Variants in DMRT3 observed in about 807,000 individuals in gnomAD.
The protein encoded by DMRT3 is doublesex- and mab-3-related transcription factor 3.
Under a neutral mutation model 34.9 loss-of-function variants are expected in DMRT3, and 29 were observed. That is an observed-to-expected ratio of 0.83 (90% CI 0.62 to 1.13). The LOEUF is 1.13. Among genes scored for constraint, DMRT3 ranks in the 50% most tolerant of loss-of-function variants. The pLI, the probability that DMRT3 is intolerant of heterozygous loss-of-function variation, is 0.00. For missense variants in DMRT3, 772 were observed against 629.1 expected (o/e 1.23, Z -2.43); for synonymous variants, 350 against 286.0 (o/e 1.22, Z -2.26).
rs200227684 is a variant in DMRT3 at position 977,308 on chromosome 9, G to A, written c.307G>A (p.Ala103Thr). ...GCCAGGGCCCCCGCCGCCGGGGGAC[G>A]CCGTCGCCGCCCCGCAGCCGCCGCC... ...ALPGPPPPGD[A>T]VAAPQPPPAS... The change falls in exon 1 of 2, where the codon GCC (alanine) becomes ACC (threonine). Residue 103 changes from alanine to threonine, a missense_variant. By Grantham distance (58) the Ala-to-Thr change is moderately conservative. Coordinates refer to ENST00000190165, the MANE Select transcript of DMRT3 (RefSeq NM_021240.4). 2.9e-4 allele frequency: 391 copies of A among 1,336,506 alleles called. 7 individuals carry two copies. In the East Asian group the frequency reaches 0.012, roughly 40 times the overall value. 82.8% of individuals were successfully genotyped at this position (1,336,506 alleles called of 1,614,324 possible). A position where few individuals can be genotyped will look rare whatever the true frequency, so the allele number is the denominator to read the frequency against.
chr9:989,911 T>A, intron 1 of DMRT3, 130 bp from the exon 2 acceptor site: 2 of 1,214,226 alleles, frequency 1.6e-6, no homozygotes, highest in Non-Finnish European at 2.3e-6. Flanking sequence ...TTAAAAAGGC[T>A]TGTAGTATAT....
chr9:990,185 T>A lies in DMRT3; in HGVS notation c.599T>A (p.Val200Glu), dbSNP rs1820336133. 6.2e-7 allele frequency: 1 copy of A among 1,613,476 alleles called. No individual in the cohort carries two copies. Among genetic ancestry groups the A allele is most frequent in the Non-Finnish European group, 8.5e-7 (1 of 1,179,884 alleles). The change falls in exon 2 of 2, where the codon GTG (valine) becomes GAG (glutamate). Residue 200 changes from valine (V) to glutamate (E), a missense_variant. Val to Glu is a moderately radical substitution (Grantham distance 121, BLOSUM62 -2). Coordinates refer to ENST00000190165, the MANE Select transcript of DMRT3 (RefSeq NM_021240.4). ...CCTGAGAGCCCTGAGATAGTGTCCG[T>A]GGAGGAAGGGGGATACGCTGTCCAG... Reference protein sequence around the residue: ...FTPESPEIVSVEEGGYAVQKN... With the variant: ...FTPESPEIVSEEEGGYAVQKN...
In DMRT3 at chr9:991,135, A is replaced by C; in HGVS notation, c.*130A>C. Reference sequence around the variant, plus strand: ...ACAAAGTGACTGTGCTTGATTCTATACATTAGCAATAAAAACATAACTTAT... The same window carrying C: ...ACAAAGTGACTGTGCTTGATTCTATCCATTAGCAATAAAAACATAACTTAT... On this transcript the variant is annotated 3_prime_UTR_variant, in exon 2 of 2. Transcript: ENST00000190165. The C allele has an allele frequency of 8.1e-7, 1 of 1,228,664 alleles. No homozygotes were observed. Among genetic ancestry groups the C allele is most frequent in the Non-Finnish European group, 1.1e-6 (1 of 888,632 alleles). 76.1% of individuals were successfully genotyped at this position (1,228,664 alleles called of 1,614,324 possible).
rs141838962 is a variant in DMRT3, at chr9:990,098, G to A, written c.512G>A (p.Ser171Asn). ...GKSADNTEVF[S>N]DKDTDQRSSP... ...TCGGCAGACAATACAGAGGTCTTCA[G>A]TGACAAAGACACTGACCAGAGGAGT... The change falls in exon 2 of 2, where the codon AGT becomes AAT. Residue 171 changes from serine to asparagine, a missense_variant. By Grantham distance (46) the Ser-to-Asn change is conservative (BLOSUM62 1). Transcript: ENST00000190165. The A allele has an allele frequency of 1.7e-5, 27 of 1,614,074 alleles. No homozygotes were observed. The African/African-American group carries it at 3.3e-4, about 20-fold the overall frequency.
At position 990,199 on chromosome 9, in the gene DMRT3, T is replaced by C; in HGVS notation, c.613T>C (p.Tyr205His). Residue 205 changes from tyrosine (Y) to histidine (H), a missense_variant, in exon 2 of 2, where the codon TAC becomes CAC. Coordinates refer to ENST00000190165, the MANE Select transcript of DMRT3 (RefSeq NM_021240.4). ...PEIVSVEEGG[Y>H]AVQKNGGNPE... The stretch of plus-strand genomic sequence containing the variant: ...GATAGTGTCCGTGGAGGAAGGGGGA[T>C]ACGCTGTCCAGAAAAACGGAGGCAA... The C allele has an allele frequency of 1.2e-6, 2 of 1,613,896 alleles. No homozygotes were observed. The highest frequency in any genetic ancestry group is 1.7e-6 in the Non-Finnish European group (2 of 1,179,978).
At position 991,124 on chromosome 9, in the gene DMRT3, C is replaced by A; in HGVS notation, c.*119C>A. 1 of 1,334,304 alleles carries A rather than the reference C, an allele frequency of 7.5e-7. No individual in the cohort carries two copies. Among genetic ancestry groups the A allele is most frequent in the Non-Finnish European group, 1.0e-6 (1 of 980,754 alleles). 82.7% of individuals were successfully genotyped at this position (1,334,304 alleles called of 1,614,324 possible). A position where few individuals can be genotyped will look rare whatever the true frequency, so the allele number is the denominator to read the frequency against. ...CCTTCTGTTTGACAAAGTGACTGTG[C>A]TTGATTCTATACATTAGCAATAAAA... On this transcript the variant is annotated 3_prime_UTR_variant, in exon 2 of 2. Transcript: ENST00000190165.
Position 990,100 on chromosome 9 carries a change from G to T in DMRT3, c.514G>T (p.Asp172Tyr). 2 of 1,614,044 alleles carry T rather than the reference G, an allele frequency of 1.2e-6. No individual in the cohort carries two copies. The highest frequency in any genetic ancestry group is 1.7e-6 in the Non-Finnish European group (2 of 1,180,038). The change falls in exon 2 of 2, where the codon GAC becomes TAC. Residue 172 changes from aspartate (D) to tyrosine (Y), a missense_variant. Asp to Tyr is a radical substitution (Grantham distance 160). Coordinates refer to ENST00000190165, the MANE Select transcript of DMRT3 (RefSeq NM_021240.4). The stretch of plus-strand genomic sequence containing the variant: ...GGCAGACAATACAGAGGTCTTCAGT[G>T]ACAAAGACACTGACCAGAGGAGTTC... ...KSADNTEVFSDKDTDQRSSPD... is the reference protein window; with the variant it reads ...KSADNTEVFSYKDTDQRSSPD...
chr9:981,971 C>T (rs919543792), intron 1 of DMRT3, among the ~76,000 whole-genome samples: 1 of 152,240 alleles, frequency 6.6e-6, no homozygotes, highest in Non-Finnish European at 1.5e-5. Context: ...TCACTACCCT[C>T]TCCTTCCCAA....
At position 990,727 on chromosome 9, in the gene DMRT3, T is replaced by C; in HGVS notation, c.1141T>C (p.Ser381Pro). The C allele has an allele frequency of 8.1e-6, 13 of 1,614,140 alleles. No homozygotes were observed. The highest frequency in any genetic ancestry group is 1.0e-5 in the Non-Finnish European group (12 of 1,180,036). ...MLRNTLARSQ[S>P]SPFLPNDVTL... ...GAGGAATACTTTGGCGAGAAGCCAG[T>C]CGAGCCCCTTTTTGCCCAATGATGT... The change falls in exon 2 of 2, where the codon TCG (serine) becomes CCG (proline). Residue 381 changes from serine to proline, a missense_variant. Ser to Pro is a moderately conservative substitution (Grantham distance 74). Transcript: ENST00000190165.
In DMRT3 at chr9:990,024, G is replaced by C. The variant is rs1820332815; in HGVS notation, c.455-17G>C. Reference sequence around the variant, plus strand: ...TGCACACCAGGAAAAGATTAACTCAGCTGTTCTGTTTTCCAGATTTGACTG... The same window carrying C: ...TGCACACCAGGAAAAGATTAACTCACCTGTTCTGTTTTCCAGATTTGACTG... On this transcript the variant is annotated splice_polypyrimidine_tract_variant and intron_variant, in intron 1 of 1. Transcript: ENST00000190165. 1.9e-6 allele frequency: 3 copies of C among 1,612,918 alleles called. No homozygotes were observed. Among genetic ancestry groups the C allele is most frequent in the African/African-American group, 2.7e-5 (2 of 75,016 alleles).
At chr9:980,461 G>C (rs925923273) in intron 1 of DMRT3, among the ~76,000 whole-genome samples, 6 of 117,946 alleles carry the variant, frequency 5.1e-5, no homozygotes, top group African/African-American at 1.8e-4. Context: ...ATCTACGATG[G>C]ACCTGGAATT....
Position 990,971 on chromosome 9 carries a change from C to A in DMRT3, c.1385C>A (p.Ser462Tyr), listed in dbSNP as rs1278408021. ...TEDDYDERSDSSDSRTLNTSS is the reference protein window; with the variant it reads ...TEDDYDERSDYSDSRTLNTSS ...GACGACTATGACGAGAGGTCTGACT[C>A]CTCAGACTCTAGAACACTCAACACA... is the stretch of plus-strand genomic sequence containing the variant. The change falls in exon 2 of 2, where the codon TCC becomes TAC. Residue 462 changes from serine (S) to tyrosine (Y), a missense_variant. Transcript: ENST00000190165. 1 of 1,613,856 alleles carries A rather than the reference C, an allele frequency of 6.2e-7. No individual in the cohort carries two copies. The highest frequency in any genetic ancestry group is 8.5e-7 in the Non-Finnish European group (1 of 1,179,908).
intron 1 of DMRT3, among the ~76,000 whole-genome samples, chr9:985,042 A>G (rs890027362): frequency 2.6e-5 from 4 of 152,200 alleles, no homozygotes; most frequent in African/African-American, 9.7e-5. Flanking sequence ...TATCTGTAGA[A>G]AAACTTTTCT....
rs147927059 is a variant in DMRT3 at position 987,156 on chromosome 9, C to A, written c.455-2885C>A. ...CCATCACCACCATCCATCTTCAGAA[C>A]CTTTTCATCATTCCAGACGGAAACT... On this transcript the variant is annotated intron_variant, in intron 1 of 1. Coordinates refer to ENST00000190165, the MANE Select transcript of DMRT3 (RefSeq NM_021240.4). Among the ~76,000 whole-genome samples the A allele has an allele frequency of 1.9e-4, 29 of 152,252 alleles. No homozygotes were observed. In the East Asian group the frequency reaches 5.0e-3, roughly 26 times the overall value.
rs1369628704 is a variant in DMRT3 at position 977,068 on chromosome 9, C to T, written c.67C>T (p.Leu23=). 6 of 1,587,040 alleles carry T rather than the reference C, an allele frequency of 3.8e-6. No homozygotes were observed. Among genetic ancestry groups the T allele is most frequent in the Non-Finnish European group, 5.1e-6 (6 of 1,167,968 alleles). Residue 23 remains leucine, a synonymous_variant, in exon 1 of 2, where the codon CTG becomes TTG. Coordinates refer to ENST00000190165, the MANE Select transcript of DMRT3 (RefSeq NM_021240.4). ...GGTGTCGCAGCCGCCACGGGCGCCC[C>T]TGCAGCGCACGCCCAAGTGCGCGCG... ...GPVSQPPRAP[L]QRTPKCARCR...
rs766278011 is a variant in DMRT3, at chr9:990,201, C to T, written c.615C>T (p.Tyr205=). ...TAGTGTCCGTGGAGGAAGGGGGATA[C>T]GCTGTCCAGAAAAACGGAGGCAACC... ...PEIVSVEEGG[Y]AVQKNGGNPE... is the part of the protein sequence containing the mutation. The change falls in exon 2 of 2, where the codon TAC becomes TAT. Residue 205 remains tyrosine (Y), a synonymous_variant. Coordinates refer to ENST00000190165, the MANE Select transcript of DMRT3 (RefSeq NM_021240.4). The T allele has an allele frequency of 3.1e-5, 50 of 1,613,900 alleles. No individual in the cohort carries two copies. Among genetic ancestry groups the T allele is most frequent in the South Asian group, 2.4e-4 (22 of 91,068 alleles).
rs1469369570 is a variant in DMRT3 at position 976,771 on chromosome 9, G to T, written c.-231G>T. On this transcript the variant is annotated 5_prime_UTR_variant, in exon 1 of 2. Coordinates refer to ENST00000190165, the MANE Select transcript of DMRT3 (RefSeq NM_021240.4). The surrounding 1 kb of genome is among the most constrained non-coding windows in gnomAD (Gnocchi z 4.5). ...CTGCGCGCCCAAGGCAGAGGCCCGC[G>T]TCGGCGTTGGCTGGGCGTGAGCTGG... Among the ~76,000 whole-genome samples, 1 of 152,184 alleles carries T rather than the reference G, an allele frequency of 6.6e-6. No individual in the cohort carries two copies. The highest frequency in any genetic ancestry group is 1.5e-5 in the Non-Finnish European group (1 of 68,024).
rs149469082 is a variant in DMRT3, at chr9:990,184, G to A, written c.598G>A (p.Val200Met). ...CCCTGAGAGCCCTGAGATAGTGTCC[G>A]TGGAGGAAGGGGGATACGCTGTCCA... ...FTPESPEIVS[V>M]EEGGYAVQKN... The change falls in exon 2 of 2, where the codon GTG (valine) becomes ATG (methionine). Residue 200 changes from valine to methionine, a missense_variant. Coordinates refer to ENST00000190165, the MANE Select transcript of DMRT3 (RefSeq NM_021240.4). 5 of 1,614,028 alleles carry A rather than the reference G, an allele frequency of 3.1e-6. No homozygotes were observed. The highest frequency in any genetic ancestry group is 4.2e-6 in the Non-Finnish European group (5 of 1,180,004).
At chr9:987,625 T>C (rs898562823) in intron 1 of DMRT3, among the ~76,000 whole-genome samples, 1 of 152,176 alleles carries the variant, frequency 6.6e-6, no homozygotes, top group Non-Finnish European at 1.5e-5. Context: ...GTGTGTCTTA[T>C]TTCCCCAGCT....
Sources: gnomAD v4.1 joint callset for allele counts (sites outside exome capture counted in the v4.1 genomes callset) on GRCh38, gnomAD v4.1.1 for gene constraint, Gnocchi (gnomAD v3.1) non-coding constraint, MANE v1.5 for transcripts, NCBI Gene and HGNC (gene_info 2026-07-23, HGNC 2026-07-21) for gene names.